Variants in SLC12A1 observed in about 807,000 individuals in gnomAD.
SLC12A1 encodes solute carrier family 12 member 1.
A neutral mutation model predicts 130.4 loss-of-function variants in SLC12A1; 89 were observed. The observed-to-expected ratio is 0.68, with a 90% confidence interval of 0.58 to 0.81. The LOEUF (loss-of-function observed/expected upper bound fraction) is 0.81. Ranked by LOEUF, SLC12A1 falls within the 40% of genes least tolerant of loss-of-function variation. The pLI is 0.00. For missense variants in SLC12A1, 1,310 were observed against 1,336.4 expected (o/e 0.98, Z 0.31); for synonymous variants, 499 against 460.0 (o/e 1.08, Z -1.09).
At chr15:48,257,928 T>C (rs1056991476) in intron 16 of SLC12A1, among the ~76,000 whole-genome samples, 1 of 151,760 alleles carries the variant, frequency 6.6e-6, no homozygotes, top group East Asian at 1.9e-4. Context: ...TTTTTCCAAC[T>C]TTTTTGCTCT....
At chr15:48,267,822 G>A in intron 18 of SLC12A1, 121 bp downstream of exon 18, 1 of 1,029,356 alleles carries the variant, frequency 9.7e-7, no homozygotes, top group Non-Finnish European at 1.4e-6. Flanking sequence ...AGTGCAGATG[G>A]TTAAGGGATT....
At position 48,290,013 on chromosome 15, in the gene SLC12A1, T is replaced by C. The variant is rs563463082; in HGVS notation, c.2873+1497T>C. On this transcript the variant is annotated intron_variant, in intron 23 of 26. Transcript: ENST00000380993. ...TACCGTAAACATTTTTACTTCATAA[T>C]TTCTAAGCTTTTGACCCTTTTGTAA... is the stretch of plus-strand genomic sequence containing the variant. Among the ~76,000 whole-genome samples the C allele has an allele frequency of 2.0e-5, 3 of 152,346 alleles. No homozygotes were observed. In the East Asian group the frequency reaches 5.8e-4, roughly 29 times the overall value.
At chr15:48,244,973 T>C in intron 11 of SLC12A1, 69 bp downstream of exon 11, 1 of 1,402,870 alleles carries the variant, frequency 7.1e-7, no homozygotes, top group Non-Finnish European at 1.0e-6. Context: ...TAGAGTAAGA[T>C]TTCTGAATCT....
rs566059167 is a variant in SLC12A1 at position 48,288,341 on chromosome 15, T to C, written c.2762-64T>C. On this transcript the variant is annotated intron_variant, in intron 22 of 26. Coordinates refer to ENST00000380993, the MANE Select transcript of SLC12A1 (RefSeq NM_000338.3). ...ATCAATGTGGTAATGAATAAAGATA[T>C]AAAGCTATTCATTTCCTTCCATTTA... 9 of 1,084,624 alleles carry C rather than the reference T, an allele frequency of 8.3e-6. No individual in the cohort carries two copies. The African/African-American group carries it at 9.5e-5, about 11-fold the overall frequency. 67.2% of individuals were successfully genotyped at this position (1,084,624 alleles called of 1,614,324 possible).
intron 11 of SLC12A1, among the ~76,000 whole-genome samples, 195 bp downstream of exon 11, chr15:48,245,099 C>T (rs1458977489): frequency 6.6e-6 from 1 of 152,174 alleles, no homozygotes; most frequent in Non-Finnish European, 1.5e-5. Context: ...TTCCTGTAGT[C>T]AGAGACAATA....
At chr15:48,265,557 G>A (rs2041823554) in intron 17 of SLC12A1, among the ~76,000 whole-genome samples, 1 of 152,120 alleles carries the variant, frequency 6.6e-6, no homozygotes, top group Admixed American at 6.6e-5. Context: ...GGAAACCTGA[G>A]CTAAATTGAT....
chr15:48,240,044 TATATCC>T (rs1360787148), intron 9 of SLC12A1, among the ~76,000 whole-genome samples: 3 of 12,978 alleles, frequency 2.3e-4, no homozygotes, highest in South Asian at 7.0e-3. Context: ...TATATATATA[TATATCC>T]ATATATATAT....
At chr15:48,250,778 T>C (rs1161192596) in intron 14 of SLC12A1, among the ~76,000 whole-genome samples, 1 of 152,030 alleles carries the variant, frequency 6.6e-6, no homozygotes, top group Non-Finnish European at 1.5e-5. Context: ...ATGTCCATCT[T>C]GTGGCCATTT....
At chr15:48,235,857 T>C (rs1438637444) in intron 9 of SLC12A1, among the ~76,000 whole-genome samples, 2 of 152,164 alleles carry the variant, frequency 1.3e-5, no homozygotes, top group East Asian at 3.9e-4. Context: ...CACATTCCAG[T>C]CCATGGGAAG....
chr15:48,235,246 G>A, intron 9 of SLC12A1: 2 of 484,980 alleles, frequency 4.1e-6, no homozygotes. Flanking sequence ...GTGATAGTGT[G>A]TCATATTTCC....
At chr15:48,293,140 C>T (rs2042138956) in intron 24 of SLC12A1, among the ~76,000 whole-genome samples, 5 of 152,204 alleles carry the variant, frequency 3.3e-5, no homozygotes, top group Admixed American at 2.0e-4. Context: ...AGCCCCTGAG[C>T]TTAAGCCATC....
intron 19 of SLC12A1, among the ~76,000 whole-genome samples, chr15:48,274,193 G>A (rs1328236920): frequency 6.6e-6 from 1 of 152,092 alleles, no homozygotes; most frequent in Admixed American, 6.6e-5. Flanking sequence ...TGGGGGTGGT[G>A]GCTAATCATT....
chr15:48,232,624 T>A (rs2041394573), intron 7 of SLC12A1, 103 bp from the exon 8 acceptor site: 4 of 769,204 alleles, frequency 5.2e-6, no homozygotes, highest in Non-Finnish European at 9.4e-6. Flanking sequence ...TTAACTGAAA[T>A]ATCAGATAGA....
chr15:48,246,249 G>C (rs1385124431), intron 11 of SLC12A1, among the ~76,000 whole-genome samples: 1 of 152,094 alleles, frequency 6.6e-6, no homozygotes, highest in Non-Finnish European at 1.5e-5. Flanking sequence ...CTGTAAAAAA[G>C]ACTAGTAAAC....
chr15:48,268,285 T>C (rs976876227), intron 18 of SLC12A1, among the ~76,000 whole-genome samples: 1 of 152,208 alleles, frequency 6.6e-6, no homozygotes, highest in African/African-American at 2.4e-5. Context: ...ATCTCTGCTA[T>C]AGTAAGTACA....
chr15:48,241,810 G>A (rs1000631337), intron 10 of SLC12A1, among the ~76,000 whole-genome samples: 3 of 152,196 alleles, frequency 2.0e-5, no homozygotes, highest in African/African-American at 4.8e-5. Flanking sequence ...GTCAGGGCTA[G>A]AGTAAAGCTA....
At chr15:48,271,650 T>C (rs920572101) in intron 19 of SLC12A1, among the ~76,000 whole-genome samples, 4 of 152,200 alleles carry the variant, frequency 2.6e-5, no homozygotes, top group Admixed American at 6.5e-5. Context: ...GTCTTTCTAA[T>C]GTGAGGAACC....
Position 48,207,620 on chromosome 15 carries a change from C to T in SLC12A1, c.-100C>T, listed in dbSNP as rs886051211. ...CATCTAGAACAAAAGCCAGGAGCTC[C>T]CTAATGGAAGCACATTAGTGTTTAT... On this transcript the variant is annotated 5_prime_UTR_variant, in exon 2 of 27. Coordinates refer to ENST00000380993, the MANE Select transcript of SLC12A1 (RefSeq NM_000338.3). 9 of 955,792 alleles carry T rather than the reference C, an allele frequency of 9.4e-6. No individual in the cohort carries two copies. Among genetic ancestry groups the T allele is most frequent in the African/African-American group, 8.3e-5 (5 of 60,526 alleles). 59.2% of individuals were successfully genotyped at this position (955,792 alleles called of 1,614,324 possible).
intron 19 of SLC12A1, among the ~76,000 whole-genome samples, chr15:48,271,934 G>A (rs1482285710): frequency 6.6e-6 from 1 of 152,166 alleles, no homozygotes; most frequent in African/African-American, 2.4e-5. Context: ...AAGGGATGGA[G>A]GAGGGGAAAA....
Sources: allele counts gnomAD v4.1 joint callset (sites outside exome capture counted in the v4.1 genomes callset), GRCh38; gene constraint gnomAD v4.1.1; transcripts MANE v1.5; gene names NCBI Gene and HGNC (gene_info 2026-07-23, HGNC 2026-07-21).